The following FAM193A variants were observed in gnomAD, a reference collection of about 807,000 sequenced individuals.
The protein encoded by FAM193A is protein FAM193A.
FAM193A carries 22 observed loss-of-function variants against 126.5 expected under a neutral mutation model. That is an observed-to-expected ratio of 0.17 (90% confidence interval 0.12 to 0.25). FAM193A has a LOEUF of 0.25. Ranked by LOEUF, FAM193A falls within the 10% of genes least tolerant of loss-of-function variation. FAM193A has a pLI of 1.00. For missense variants in FAM193A, 1,675 were observed against 1,672.8 expected, an observed-to-expected ratio of 1.00 and a Z score of -0.02; for synonymous variants, 761 against 646.8, an observed-to-expected ratio of 1.18 and a Z score of -2.68.
intron 1 of FAM193A, among the ~76,000 whole-genome samples, chr4:2,537,554 G>C (rs1436911235): frequency 6.6e-5 from 10 of 152,358 alleles, no homozygotes; most frequent in Admixed American, 5.2e-4. Context: ...GGTGATACCC[G>C]CGAGGCCCGG....
chr4:2,708,734 A>G (rs1718590790), intron 19 of FAM193A, among the ~76,000 whole-genome samples: 1 of 152,204 alleles, frequency 6.6e-6, no homozygotes, highest in Non-Finnish European at 1.5e-5. Context: ...AAGTGCTGGA[A>G]TTAACAGGTG....
chr4:2,568,032 C>A (rs1739071830), intron 1 of FAM193A, among the ~76,000 whole-genome samples: 1 of 152,218 alleles, frequency 6.6e-6, no homozygotes, highest in Non-Finnish European at 1.5e-5. Context: ...TTTCCCACCC[C>A]TTCCTCCTGG....
chr4:2,655,436 T>TGCGCGTGTGCGCCTGTGTGTGTGC (rs145218383), intron 7 of FAM193A, among the ~76,000 whole-genome samples: 1 of 151,900 alleles, frequency 6.6e-6, no homozygotes, highest in African/African-American at 2.4e-5. Flanking sequence ...TGTGTGTGTG[T>TGCGCGTGTGCGCCTGTGTGTGTGC]GCGTGTGCGC....
At chr4:2,554,318 C>T (rs928072251) in intron 1 of FAM193A, among the ~76,000 whole-genome samples, 12 of 152,038 alleles carry the variant, frequency 7.9e-5, no homozygotes, top group South Asian at 2.1e-4. Context: ...CTCCTGACCT[C>T]GTGATCCACC....
chr4:2,540,739 T>C (rs967886450), intron 1 of FAM193A, among the ~76,000 whole-genome samples: 1 of 152,102 alleles, frequency 6.6e-6, no homozygotes, highest in African/African-American at 2.4e-5. Flanking sequence ...GGCAGGTGGA[T>C]CACCTGAGGT....
intron 19 of FAM193A, among the ~76,000 whole-genome samples, chr4:2,711,475 G>C (rs1296995052): frequency 2.6e-5 from 4 of 151,682 alleles, no homozygotes; most frequent in Non-Finnish European, 4.4e-5. Flanking sequence ...GAGTAGCTGG[G>C]ATTACAGGCA....
intron 1 of FAM193A, among the ~76,000 whole-genome samples, chr4:2,590,498 AAAAAAAACAAAAAAAAAACAAAAC>A (rs1740496775): frequency 2.7e-5 from 2 of 74,482 alleles, no homozygotes; most frequent in African/African-American, 1.7e-4. Context: ...AAAAAAAACA[AAAAAAAACAAAAAAAAAACAAAAC>A]AAAATTAAAA....
At chr4:2,571,775 G>C (rs1191091790) in intron 1 of FAM193A, among the ~76,000 whole-genome samples, 2 of 151,658 alleles carry the variant, frequency 1.3e-5, no homozygotes, top group Non-Finnish European at 2.9e-5. Flanking sequence ...CCCGACCTCA[G>C]GTGATCCACC....
intron 2 of FAM193A, among the ~76,000 whole-genome samples, chr4:2,617,456 G>A (rs1248465211): frequency 1.3e-5 from 2 of 149,098 alleles, no homozygotes; most frequent in African/African-American, 5.0e-5. Flanking sequence ...AGTAGAGGCG[G>A]GGTTTCACCA....
At chr4:2,664,558 CTTTTTTT>C (rs33958851) in intron 12 of FAM193A, among the ~76,000 whole-genome samples, 54 of 73,084 alleles carry the variant, frequency 7.4e-4, no homozygotes, top group Non-Finnish European at 6.8e-4. Flanking sequence ...TATTTTCTTT[CTTTTTTT>C]TTTTTTTTTT....
At chr4:2,655,367 A>G (rs1419106379) in intron 7 of FAM193A, among the ~76,000 whole-genome samples, 1 of 152,250 alleles carries the variant, frequency 6.6e-6, no homozygotes, top group African/African-American at 2.4e-5. Context: ...CTAGTAGATC[A>G]TGATATGTCA....
intron 2 of FAM193A, among the ~76,000 whole-genome samples, chr4:2,616,047 C>T (rs1056398360): frequency 5.9e-5 from 9 of 152,148 alleles, no homozygotes; most frequent in African/African-American, 1.7e-4. Flanking sequence ...GCAATCCGCC[C>T]GCCTCAGCCT....
At position 2,605,970 on chromosome 4, in the gene FAM193A, C is replaced by CAAAAA. The variant is rs1160026686; in HGVS notation, c.501+9665_501+9669dup. 2.3e-3 allele frequency among the ~76,000 whole-genome samples: 72 copies of CAAAAA among 31,896 alleles called. 6 individuals carry two copies. Among genetic ancestry groups the CAAAAA allele is most frequent in the African/African-American group, 4.4e-3 (41 of 9,322 alleles). 20.9% of individuals were successfully genotyped at this position (31,896 alleles called of 152,430 possible). A position where few individuals can be genotyped will look rare whatever the true frequency, so the allele number is the denominator to read the frequency against. Reference sequence around the variant, plus strand: ...TAGGCGACAGAGTGAGACTCTGTCTCAAAAAAAAAAAAAAAAAAAAAAAAA... The same window carrying CAAAAA: ...TAGGCGACAGAGTGAGACTCTGTCTCAAAAAAAAAAAAAAAAAAAAAAAAAAAAAA... On this transcript the variant is annotated intron_variant, in intron 2 of 20. Coordinates refer to ENST00000637812, the MANE Select transcript of FAM193A (RefSeq NM_001366318.2).
At chr4:2,598,693 G>T (rs941852282) in intron 2 of FAM193A, among the ~76,000 whole-genome samples, 1 of 152,224 alleles carries the variant, frequency 6.6e-6, no homozygotes, top group African/African-American at 2.4e-5. Flanking sequence ...GCCAGACAGT[G>T]TGCAGAGAGC....
chr4:2,573,513 CAA>C (rs1353276813), intron 1 of FAM193A, among the ~76,000 whole-genome samples: 22 of 73,828 alleles, frequency 3.0e-4, no homozygotes, highest in Admixed American at 3.1e-4. Flanking sequence ...ACTCTGTCTT[CAA>C]AAAAAAAAAA....
intron 1 of FAM193A, among the ~76,000 whole-genome samples, chr4:2,557,661 G>C (rs559875392): frequency 1.3e-5 from 2 of 151,948 alleles, no homozygotes; most frequent in Non-Finnish European, 2.9e-5. Flanking sequence ...CAGTAAAATG[G>C]TTAACTTTTG....
At chr4:2,589,947 C>T (rs901077301) in intron 1 of FAM193A, among the ~76,000 whole-genome samples, 2 of 151,008 alleles carry the variant, frequency 1.3e-5, no homozygotes, top group African/African-American at 4.9e-5. Context: ...TCAGCCTGAC[C>T]GACGTGATGA....
chr4:2,545,258 G>T (rs758589980), intron 1 of FAM193A, among the ~76,000 whole-genome samples: 7 of 152,222 alleles, frequency 4.6e-5, no homozygotes, highest in South Asian at 2.1e-4. Context: ...CTCCCAAAGT[G>T]CTGGGATTTC....
chr4:2,663,796 G>A (rs1276467297), intron 12 of FAM193A, among the ~76,000 whole-genome samples: 17 of 152,084 alleles, frequency 1.1e-4, no homozygotes, highest in East Asian at 1.9e-4. Context: ...GCAAAACCCC[G>A]TCTCTACTAA....
Sources: gnomAD v4.1 joint callset for allele counts (sites outside exome capture counted in the v4.1 genomes callset) on GRCh38, gnomAD v4.1.1 for gene constraint, MANE v1.5 for transcripts, NCBI Gene and HGNC (gene_info 2026-07-23, HGNC 2026-07-21) for gene names.